Variants in PRMT8 observed in about 807,000 individuals in gnomAD.
PRMT8 encodes the protein protein arginine methyltransferase 8, also known as protein arginine N-methyltransferase 8.
PRMT8 carries 7 observed loss-of-function variants against 47.1 expected under a neutral mutation model. The ratio of observed to expected loss-of-function variants is 0.15; its 90% CI spans 0.08 to 0.28. The LOEUF (loss-of-function observed/expected upper bound fraction) is 0.28. Among genes scored for constraint, PRMT8 ranks in the 10% least tolerant of loss-of-function variants. The pLI, the probability that PRMT8 is intolerant of heterozygous loss-of-function variation, is 1.00. For synonymous variants in PRMT8, 188 were observed against 186.5 expected (o/e 1.01, Z -0.07); for missense variants, 237 against 505.4 (o/e 0.47, Z 5.09).
At chr12:3,484,235 C>G (rs1865301062) in intron 1 of PRMT8, among the ~76,000 whole-genome samples, 3 of 152,144 alleles carry the variant, frequency 2.0e-5, no homozygotes, top group Non-Finnish European at 4.4e-5. Flanking sequence ...TCTGACCAGT[C>G]TTTGCTGTCA....
chr12:3,470,566 A>G (rs1167473551), intron 1 of PRMT8, among the ~76,000 whole-genome samples: 2 of 151,970 alleles, frequency 1.3e-5, no homozygotes, highest in Non-Finnish European at 2.9e-5. Context: ...GGTTCTGCCC[A>G]CTGGAGTTTG....
At chr12:3,383,433 T>C (rs916647363) in intron 1 of PRMT8, among the ~76,000 whole-genome samples, 1 of 152,248 alleles carries the variant, frequency 6.6e-6, no homozygotes, top group Non-Finnish European at 1.5e-5. Context: ...TGCTATGCGC[T>C]GAATGTGTCC....
rs1470396949 is a variant in PRMT8 at position 3,580,364 on chromosome 12, G to A, written c.829-2694G>A. On this transcript the variant is annotated intron_variant, in intron 7 of 9. Coordinates refer to ENST00000382622, the MANE Select transcript of PRMT8 (RefSeq NM_019854.5). The surrounding 1 kb of genome is among the most constrained non-coding windows in gnomAD (Gnocchi z 4.6). Reference sequence around the variant, plus strand: ...TGTGTGTGTGTGTGTGTGTGTGTGTGTGTACGCGTGCGCATGCGGGATAGA... The same window carrying A: ...TGTGTGTGTGTGTGTGTGTGTGTGTATGTACGCGTGCGCATGCGGGATAGA... Among the ~76,000 whole-genome samples the A allele has an allele frequency of 6.6e-6, 1 of 151,652 alleles. No homozygotes were observed. The highest frequency in any genetic ancestry group is 1.5e-5 in the Non-Finnish European group (1 of 67,940).
chr12:3,513,132 A>C (rs1196496656), intron 1 of PRMT8, among the ~76,000 whole-genome samples: 1 of 152,186 alleles, frequency 6.6e-6, no homozygotes, highest in Non-Finnish European at 1.5e-5. Context: ...GAAAGGAAGA[A>C]GGACAAAGAT....
rs147447210 is a variant in PRMT8, at chr12:3,574,943, T to C, written c.713-1928T>C. ...ACAGAAGGCAATGTGTTTTGGCGTG[T>C]ACGTTTTATCTGGGGAGAGGGTGGA... On this transcript the variant is annotated intron_variant, in intron 6 of 9. Coordinates refer to ENST00000382622, the MANE Select transcript of PRMT8 (RefSeq NM_019854.5). Among the ~76,000 whole-genome samples the C allele has an allele frequency of 2.6e-5, 4 of 152,340 alleles. No individual in the cohort carries two copies. The East Asian group carries it at 7.7e-4, about 29-fold the overall frequency.
intron 4 of PRMT8, among the ~76,000 whole-genome samples, chr12:3,560,530 A>G (rs1290262319): frequency 1.3e-5 from 2 of 152,226 alleles, no homozygotes; most frequent in Non-Finnish European, 1.5e-5. Flanking sequence ...TGAGGAAACC[A>G]GTGGGCTGCC....
intron 9 of PRMT8, 27 bp downstream of exon 9, chr12:3,592,379 A>G: frequency 1.3e-6 from 2 of 1,595,494 alleles, no homozygotes; most frequent in Non-Finnish European, 8.5e-7. Flanking sequence ...ATAAGGACAT[A>G]AGGGAGAAGG....
rs139251611 is a variant in PRMT8 at position 3,563,695 on chromosome 12, G to A, written c.482-5011G>A. On this transcript the variant is annotated intron_variant, in intron 4 of 9. Transcript: ENST00000382622. ...TTTGCCGGGTGAGGAAAGGAACCAC[G>A]GAGAGGCACAAACATGCACAACAGG... Among the ~76,000 whole-genome samples, 725 of 152,152 alleles carry A rather than the reference G, an allele frequency of 4.8e-3. 11 individuals are homozygous for A. Among genetic ancestry groups the A allele is most frequent in the African/African-American group, 0.017 (693 of 41,504 alleles).
intron 1 of PRMT8, among the ~76,000 whole-genome samples, chr12:3,382,791 T>A (rs1420643066): frequency 6.6e-6 from 1 of 152,242 alleles, no homozygotes; most frequent in African/African-American, 2.4e-5. Flanking sequence ...TCTCTTGGCC[T>A]AACCCTAGAT....
intron 3 of PRMT8, 178 bp from the exon 4 acceptor site, chr12:3,553,473 C>T (rs1218091218): frequency 8.0e-6 from 5 of 624,136 alleles, no homozygotes; most frequent in East Asian, 2.7e-5. Flanking sequence ...CGTGGAAGGC[C>T]GCTGGCCTTG....
intron 8 of PRMT8, among the ~76,000 whole-genome samples, chr12:3,587,629 G>A (rs1565450680): frequency 6.6e-6 from 1 of 152,048 alleles, no homozygotes; most frequent in African/African-American, 2.4e-5. Flanking sequence ...TGAATTTTGT[G>A]TTCCTTATTC....
chr12:3,507,758 C>CTT lies in PRMT8; in HGVS notation c.75+16075_75+16076dup, dbSNP rs928102421. 3.6e-4 allele frequency among the ~76,000 whole-genome samples: 48 copies of CTT among 132,712 alleles called. No homozygotes were observed. The East Asian group carries it at 3.7e-3, about 10-fold the overall frequency. The allele number at this position is 132,712 out of a possible 152,430, so 87.1% of individuals were successfully genotyped here. A position where few individuals can be genotyped will look rare whatever the true frequency, so the allele number is the denominator to read the frequency against. On this transcript the variant is annotated intron_variant, in intron 1 of 9. Transcript: ENST00000382622. The stretch of plus-strand genomic sequence containing the variant: ...TGTTAGAATTCTTTTTCTTCTCCTT[C>CTT]TTTTTTTTTTTTTTTTTTGAGATAG...
rs1206719140 is a variant in PRMT8, at chr12:3,569,596, C to G, written c.712+32C>G. ...CCCCTCTTGCTTCTCCGGTGGACTT[C>G]CACTGCACAATTGGGGTGGGAGGCA... On this transcript the variant is annotated intron_variant, in intron 6 of 9. Coordinates refer to ENST00000382622, the MANE Select transcript of PRMT8 (RefSeq NM_019854.5). This position sits in a 1 kb window ranked among gnomAD's most constrained non-coding sequence, Gnocchi z 8.2. The G allele has an allele frequency of 7.6e-6, 12 of 1,578,006 alleles. No individual in the cohort carries two copies. Among genetic ancestry groups the G allele is most frequent in the Admixed American group, 1.7e-5 (1 of 59,948 alleles).
rs910414389 is a variant in PRMT8, at chr12:3,570,114, C to T, written c.712+550C>T. ...TTGCTTTGAACAATCAAACGAAAGG[C>T]GAGTGTGCATGTGTGCATGAGGCAG... On this transcript the variant is annotated intron_variant, in intron 6 of 9. Transcript: ENST00000382622. The surrounding 1 kb of genome is among the most constrained non-coding windows in gnomAD (Gnocchi z 5.5). Among the ~76,000 whole-genome samples the T allele has an allele frequency of 3.3e-5, 5 of 151,540 alleles. No homozygotes were observed. The highest frequency in any genetic ancestry group is 9.7e-5 in the African/African-American group (4 of 41,234).
Position 3,436,178 on chromosome 12 carries a change from G to A in PRMT8, c.48+54736G>A, listed in dbSNP as rs568642834. On this transcript the variant is annotated intron_variant, in intron 1 of 9. Coordinates refer to the PRMT8 transcript ENST00000452611. This position sits in a 1 kb window ranked among gnomAD's most constrained non-coding sequence, Gnocchi z 4.2. The stretch of plus-strand genomic sequence containing the variant: ...TAAAAAAGTCAAGTCGTCCCCTCCC[G>A]TTTGTGACCTTGTGAGGATGGTTAG... 2.6e-5 allele frequency among the ~76,000 whole-genome samples: 4 copies of A among 152,128 alleles called. No homozygotes were observed. The highest frequency in any genetic ancestry group is 9.7e-5 in the African/African-American group (4 of 41,438).
intron 8 of PRMT8, among the ~76,000 whole-genome samples, chr12:3,589,979 C>T (rs1867264184): frequency 6.6e-6 from 1 of 152,192 alleles, no homozygotes; most frequent in South Asian, 2.1e-4. Context: ...CACTGACAGT[C>T]TCCACACATA....
intron 1 of PRMT8, among the ~76,000 whole-genome samples, chr12:3,512,725 C>T (rs1299935877): frequency 6.6e-6 from 1 of 152,246 alleles, no homozygotes; most frequent in African/African-American, 2.4e-5. Context: ...CCTGTCTCGT[C>T]TCCGCACTGC....
rs1432561564 is a variant in PRMT8 at position 3,569,721 on chromosome 12, G to A, written c.712+157G>A. ...CCTTTCTGGAGTCTGCTCTCTAAAT[G>A]TTTCTATCTAGTCCCAAGGGTGTTA... On this transcript the variant is annotated intron_variant, in intron 6 of 9. Coordinates refer to ENST00000382622, the MANE Select transcript of PRMT8 (RefSeq NM_019854.5). This position sits in a 1 kb window ranked among gnomAD's most constrained non-coding sequence, Gnocchi z 8.2. Among the ~76,000 whole-genome samples, 1 of 152,172 alleles carries A rather than the reference G, an allele frequency of 6.6e-6. No homozygotes were observed. Among genetic ancestry groups the A allele is most frequent in the African/African-American group, 2.4e-5 (1 of 41,434 alleles).
Position 3,436,167 on chromosome 12 carries a change from C to T in PRMT8, c.48+54725C>T, listed in dbSNP as rs913320981. 1.3e-5 allele frequency among the ~76,000 whole-genome samples: 2 copies of T among 152,106 alleles called. No individual in the cohort carries two copies. The highest frequency in any genetic ancestry group is 2.9e-5 in the Non-Finnish European group (2 of 68,022). The stretch of plus-strand genomic sequence containing the variant: ...TTACCTGCTTATAAAAAAGTCAAGT[C>T]GTCCCCTCCCGTTTGTGACCTTGTG... On this transcript the variant is annotated intron_variant, in intron 1 of 9. Transcript: ENST00000452611. This position sits in a 1 kb window ranked among gnomAD's most constrained non-coding sequence, Gnocchi z 4.2.
Sources: gnomAD v4.1 joint callset for allele counts (sites outside exome capture counted in the v4.1 genomes callset) on GRCh38, gnomAD v4.1.1 for gene constraint, Gnocchi (gnomAD v3.1) non-coding constraint, MANE v1.5 for transcripts, NCBI Gene and HGNC (gene_info 2026-07-23, HGNC 2026-07-21) for gene names.